AP3D1: variants seen among roughly 807,000 people sequenced by gnomAD.
AP3D1 encodes the protein AP-3 complex subunit delta-1.
In AP3D1, 51 loss-of-function variants were observed where a neutral mutation model predicts 147.6. The ratio of observed to expected loss-of-function variants is 0.35; its 90% CI spans 0.28 to 0.44. The LOEUF (loss-of-function observed/expected upper bound fraction) is 0.44, where lower values mean the gene tolerates loss of function less well. Ranked by LOEUF, AP3D1 falls within the 20% of genes least tolerant of loss-of-function variation. The pLI, the probability that AP3D1 is intolerant of heterozygous loss-of-function variation, is 1.00. For synonymous variants in AP3D1, 760 were observed against 663.0 expected (o/e 1.15, Z -2.25); for missense variants, 1,421 against 1,624.2 (o/e 0.87, Z 2.15).
At chr19:2,103,330 T>C (rs1216151672) in intron 31 of AP3D1, among the ~76,000 whole-genome samples, 1 of 152,086 alleles carries the variant, frequency 6.6e-6, no homozygotes, top group Non-Finnish European at 1.5e-5. Context: ...CTGAGGGCCC[T>C]GAGGCAGCCA....
intron 1 of AP3D1, among the ~76,000 whole-genome samples, chr19:2,148,162 AAG>A (rs1555709703): frequency 2.6e-5 from 4 of 151,874 alleles, no homozygotes; most frequent in Non-Finnish European, 5.9e-5. Context: ...AAAAAAAAAA[AAG>A]AAAAAGAAAA....
intron 1 of AP3D1, among the ~76,000 whole-genome samples, chr19:2,159,156 A>G (rs1379599003): frequency 6.6e-6 from 1 of 151,010 alleles, no homozygotes; most frequent in Non-Finnish European, 1.5e-5. Flanking sequence ...GGCCAGGCTA[A>G]TTTTTTTATT....
intron 1 of AP3D1, among the ~76,000 whole-genome samples, chr19:2,158,849 C>G (rs2019670726): frequency 6.6e-6 from 1 of 152,152 alleles, no homozygotes; most frequent in Non-Finnish European, 1.5e-5. Context: ...AAAGCTGTTA[C>G]CGTCTTTGTT....
intron 1 of AP3D1, among the ~76,000 whole-genome samples, chr19:2,140,062 G>A (rs565418061): frequency 9.9e-5 from 15 of 151,714 alleles, no homozygotes; most frequent in African/African-American, 3.1e-4. Context: ...TCCTCCAGAC[G>A]GGCTTCAAAT....
Position 2,111,786 on chromosome 19 carries a change from C to T in AP3D1, c.2830G>A (p.Glu944Lys), listed in dbSNP as rs2018287748. ...PKKKKHRKEK[E>K]ERTKGKKKSK... Reference sequence around the variant, plus strand: ...TTCTTCTTGCCTTTGGTCCGCTCCTCCTTCTCCTTCCTGTGCTTCTTCTTC... The same window carrying T: ...TTCTTCTTGCCTTTGGTCCGCTCCTTCTTCTCCTTCCTGTGCTTCTTCTTC... The change falls in exon 25 of 32, where the codon GAG (glutamate) becomes AAG (lysine). Residue 944 changes from glutamate (E) to lysine (K), a missense_variant. Glu to Lys is a moderately conservative substitution (Grantham distance 56, BLOSUM62 1). This residue lies in a region of AP3D1 where 791 missense variants were observed against 761.4 expected (regional missense o/e 1.04). Coordinates refer to ENST00000643116, the MANE Select transcript of AP3D1 (RefSeq NM_001261826.3). 1 of 1,613,890 alleles carries T rather than the reference C, an allele frequency of 6.2e-7. No homozygotes were observed.
At chr19:2,153,539 G>A (rs1032242148), upstream of AP3D1, among the ~76,000 whole-genome samples, 1 of 152,070 alleles carries the variant, frequency 6.6e-6, no homozygotes, top group East Asian at 1.9e-4. Context: ...AGTCAGGCAT[G>A]GTTGTGGGCA....
Position 2,117,303 on chromosome 19 carries a change from G to A in AP3D1, c.1778C>T (p.Ala593Val), listed in dbSNP as rs749594560. Reference protein sequence around the residue: ...QKLQAKDVPVAEEVSALFAGE... With the variant: ...QKLQAKDVPVVEEVSALFAGE... ...AGCAAAGAGAGCGCTGACCTCCTCTGCCACAGGCACGTCCTTGGCCTGAAG... is the reference window on the plus strand; with the variant it reads ...AGCAAAGAGAGCGCTGACCTCCTCTACCACAGGCACGTCCTTGGCCTGAAG... Residue 593 changes from alanine (A) to valine (V), a missense_variant, in exon 16 of 32, where the codon GCA becomes GTA. By Grantham distance (64) the Ala-to-Val change is moderately conservative. Around this residue, in one of 6 missense-constraint regions of AP3D1, gnomAD observed 310 missense variants for 388.1 expected, o/e 0.80. Transcript: ENST00000643116. 1.9e-6 allele frequency: 3 copies of A among 1,612,864 alleles called. No homozygotes were observed. The South Asian group carries it at 3.3e-5, about 18-fold the overall frequency.
At chr19:2,114,932 G>A (rs984199339) in intron 20 of AP3D1, 111 bp from the exon 21 acceptor site, 41 of 1,214,634 alleles carry the variant, frequency 3.4e-5, no homozygotes, top group Non-Finnish European at 4.6e-5. Context: ...GCACAGGTGG[G>A]CAGTGACGTG....
intron 1 of AP3D1, among the ~76,000 whole-genome samples, chr19:2,158,588 C>G (rs1266741133): frequency 6.6e-6 from 1 of 151,734 alleles, no homozygotes; most frequent in East Asian, 1.9e-4. Flanking sequence ...GATTACAAGC[C>G]TGAGCCACCG....
chr19:2,137,409 G>A (rs138513203), intron 3 of AP3D1, among the ~76,000 whole-genome samples: 2 of 152,104 alleles, frequency 1.3e-5, no homozygotes, highest in East Asian at 1.9e-4. Flanking sequence ...CACCTCCCGG[G>A]TTCAAGCAAT....
rs2145030487 is a variant in AP3D1, at chr19:2,113,346, A to G, written c.2669T>C (p.Val890Ala). Residue 890 changes from valine (V) to alanine (A), a missense_variant, in exon 23 of 32, where the codon GTT becomes GCT. By Grantham distance (64) the Val-to-Ala change is moderately conservative (BLOSUM62 0). Transcript: ENST00000643116. Reference sequence around the variant, plus strand: ...CTGCCAGTCTCTTACCGTGGATGGAACGGGGGCGGGGGCGGGGGCGGGGGC... The same window carrying G: ...CTGCCAGTCTCTTACCGTGGATGGAGCGGGGGCGGGGGCGGGGGCGGGGGC... ...PPAPAPAPAPVPSTGELSVNT... is the reference protein window; with the variant it reads ...PPAPAPAPAPAPSTGELSVNT... 2 of 500,846 alleles carry G rather than the reference A, an allele frequency of 4.0e-6. No homozygotes were observed. The highest frequency in any genetic ancestry group is 8.8e-5 in the East Asian group (1 of 11,358). The allele number at this position is 500,846 out of a possible 1,614,324, so 31.0% of individuals were successfully genotyped here.
intron 11 of AP3D1, among the ~76,000 whole-genome samples, chr19:2,122,316 G>A (rs1396970581): frequency 1.3e-5 from 2 of 152,204 alleles, no homozygotes; most frequent in Admixed American, 6.5e-5. Context: ...AAGGGTGGCT[G>A]GGCATGAGGC....
At chr19:2,156,999 G>T (rs76664412) in intron 1 of AP3D1, among the ~76,000 whole-genome samples, 10,203 of 139,690 alleles carry the variant, frequency 0.073, 624 homozygotes, top group African/African-American at 0.17. Context: ...CATCAACAAG[G>T]TTTGTTGAAA....
rs1304637735 is a variant in AP3D1 at position 2,109,890 on chromosome 19, G to A, written c.3333C>T (p.Ile1111=). The change falls in exon 29 of 32, where the codon ATC becomes ATT. Residue 1111 remains isoleucine, a synonymous_variant. Transcript: ENST00000643116. ...GGCCCCACCTGTAGCAGGGAGTGGT[G>A]ATCAAGTAGGAGCTGCAGCTGAAGT... ...RLHFSCSSYL[I]TTPCYSDAFA... is the part of the protein sequence containing the mutation. The A allele has an allele frequency of 1.2e-6, 2 of 1,613,790 alleles. No homozygotes were observed. The highest frequency in any genetic ancestry group is 2.7e-5 in the African/African-American group (2 of 75,024).
At chr19:2,132,432 G>T in intron 5 of AP3D1, 39 bp downstream of exon 5, 3 of 1,548,170 alleles carry the variant, frequency 1.9e-6, no homozygotes, top group Non-Finnish European at 2.7e-6. Context: ...TTTTCCCAGA[G>T]CAGACATGCA....
At chr19:2,129,203 C>T (rs770871653) in intron 7 of AP3D1, 40 bp from the exon 8 acceptor site, 2 of 1,607,128 alleles carry the variant, frequency 1.2e-6, no homozygotes, top group Non-Finnish European at 1.7e-6. Flanking sequence ...GCAGGGAATG[C>T]CCCACGCAGG....
chr19:2,112,805 G>T, intron 24 of AP3D1, 55 bp downstream of exon 24: 1 of 1,415,962 alleles, frequency 7.1e-7, no homozygotes, highest in Non-Finnish European at 9.7e-7. Flanking sequence ...GCCCCACGTT[G>T]GGGTGCTGGG....
Position 2,117,117 on chromosome 19 carries a change from C to A in AP3D1, c.1859+105G>T, listed in dbSNP as rs903030506. On this transcript the variant is annotated intron_variant, in intron 16 of 31. Coordinates refer to ENST00000643116, the MANE Select transcript of AP3D1 (RefSeq NM_001261826.3). ...CGCCTGAGGCCTCCAATCAGCCCCA[C>A]ACCCTCCTGGCTGTTCAGGGGTGCA... The A allele has an allele frequency of 2.8e-6, 4 of 1,412,656 alleles. No individual in the cohort carries two copies. The African/African-American group carries it at 4.4e-5, about 15-fold the overall frequency. 87.5% of individuals were successfully genotyped at this position (1,412,656 alleles called of 1,614,324 possible). A position where few individuals can be genotyped will look rare whatever the true frequency, so the allele number is the denominator to read the frequency against.
rs117056253 is a variant in AP3D1 at position 2,129,681 on chromosome 19, G to A, written c.593-224C>T. 0.01 allele frequency among the ~76,000 whole-genome samples: 1,589 copies of A among 152,302 alleles called. 14 individuals are homozygous for A. The highest frequency in any genetic ancestry group is 0.037 in the Middle Eastern group (11 of 294). ...TCCTGGCGCTGAGAAAGCATTGCTC[G>A]GCACTGTTGCCAGGAACAAGTGCGC... On this transcript the variant is annotated intron_variant, in intron 6 of 31. Transcript: ENST00000643116.
Sources: gnomAD v4.1 joint callset for allele counts (sites outside exome capture counted in the v4.1 genomes callset) on GRCh38, gnomAD v4.1.1 for gene constraint, gnomAD v4.1.1 regional missense constraint, MANE v1.5 for transcripts, NCBI Gene and HGNC (gene_info 2026-07-23, HGNC 2026-07-21) for gene names.